Variants in POTEJ observed in about 807,000 individuals in gnomAD.
POTEJ encodes the protein POTE ankyrin domain family, member J.
A neutral mutation model predicts 69.0 loss-of-function variants in POTEJ; 11 were observed. The observed-to-expected ratio is 0.16, with a 90% CI of 0.10 to 0.26. POTEJ has a LOEUF of 0.26. POTEJ is among the 10% of genes least tolerant of loss of function. The probability of loss-of-function intolerance (pLI) is 1.00; values close to 1 mark genes in which losing one functional copy is unlikely to be tolerated. For synonymous variants in POTEJ, 117 were observed against 381.1 expected (o/e 0.31, Z 8.07); for missense variants, 327 against 1,045.5 (o/e 0.31, Z 9.48).
chr2:130,642,673 A>G (rs561470255), intron 10 of POTEJ, among the ~76,000 whole-genome samples: 60 of 152,354 alleles, frequency 3.9e-4, no homozygotes, highest in African/African-American at 1.4e-3. Flanking sequence ...AAAATTACAC[A>G]TAAGGCTTTC....
chr2:130,637,632 A>T (rs1238617734), intron 9 of POTEJ, among the ~76,000 whole-genome samples: 1 of 152,282 alleles, frequency 6.6e-6, no homozygotes, highest in Admixed American at 6.5e-5. Flanking sequence ...CTGTGAGATG[A>T]CACCAGAGCC....
At chr2:130,648,787 T>TG (rs1686689752) in intron 13 of POTEJ, among the ~76,000 whole-genome samples, 2 of 93,130 alleles carry the variant, frequency 2.1e-5, no homozygotes, top group Admixed American at 9.9e-5. Context: ...CATAGTTTTT[T>TG]TTTTTTTTTT....
At chr2:130,630,871 T>G (rs1258137281) in intron 7 of POTEJ, among the ~76,000 whole-genome samples, 1 of 143,886 alleles carries the variant, frequency 6.9e-6, no homozygotes, top group African/African-American at 2.7e-5. Flanking sequence ...CAATTAAAAT[T>G]GGAGAATTTG....
chr2:130,634,922 T>C (rs1481269596), intron 9 of POTEJ, among the ~76,000 whole-genome samples: 9 of 152,224 alleles, frequency 5.9e-5, no homozygotes, highest in Non-Finnish European at 1.3e-4. Context: ...AATTTTTTTC[T>C]GTAAATTATG....
intron 10 of POTEJ, among the ~76,000 whole-genome samples, chr2:130,643,253 GC>G (rs1686458436): frequency 7.0e-6 from 1 of 143,226 alleles, no homozygotes. Context: ...TGAAAATAAG[GC>G]CAGGTGTGGT....
At chr2:130,612,692 G>A (rs1573965653) in intron 1 of POTEJ, among the ~76,000 whole-genome samples, 5 of 137,788 alleles carry the variant, frequency 3.6e-5, no homozygotes, top group Admixed American at 3.6e-4. Context: ...GAACTCGGGA[G>A]GCGGAGCTTG....
intron 11 of POTEJ, among the ~76,000 whole-genome samples, chr2:130,644,455 C>T (rs1411937973): frequency 1.2e-4 from 19 of 152,064 alleles, no homozygotes; most frequent in South Asian, 4.1e-4. Context: ...GGTGACAGAG[C>T]GAGACTCCAT....
chr2:130,640,580 T>C (rs1418862477), intron 10 of POTEJ, among the ~76,000 whole-genome samples: 1 of 151,902 alleles, frequency 6.6e-6, no homozygotes, highest in African/African-American at 2.4e-5. Context: ...CGTGGTTGGC[T>C]AATCCGCAGC....
intron 14 of POTEJ, among the ~76,000 whole-genome samples, chr2:130,655,567 T>C (rs1250897446): frequency 6.6e-5 from 10 of 152,224 alleles, no homozygotes; most frequent in African/African-American, 2.4e-4. Context: ...CATTTAGTAA[T>C]AATTTATTGA....
rs1478684599 is a variant in POTEJ at position 130,631,905 on chromosome 2, T to G, written c.1131+452T>G. Among the ~76,000 whole-genome samples the G allele has an allele frequency of 4.3e-4, 62 of 143,500 alleles. 5 individuals are homozygous for G. Among genetic ancestry groups the G allele is most frequent in the South Asian group, 8.4e-4 (4 of 4,738 alleles). 94.1% of individuals were successfully genotyped at this position (143,500 alleles called of 152,430 possible). On this transcript the variant is annotated intron_variant, in intron 8 of 14. Transcript: ENST00000409602. The stretch of plus-strand genomic sequence containing the variant: ...GCAGTTTCACTCTGCTTCTTGTGTT[T>G]TGGCAAACTTTGGCTCCCATTTTCA...
intron 9 of POTEJ, among the ~76,000 whole-genome samples, chr2:130,637,045 C>T (rs1234150355): frequency 6.8e-5 from 10 of 147,142 alleles, no homozygotes; most frequent in African/African-American, 2.2e-4. Context: ...TTGCACTGCA[C>T]TCCAGCCTGG....
At chr2:130,656,053 C>A (rs567003902) in intron 14 of POTEJ, among the ~76,000 whole-genome samples, 14 of 144,778 alleles carry the variant, frequency 9.7e-5, no homozygotes, top group African/African-American at 3.6e-4. Flanking sequence ...AAATGTTCTT[C>A]AGTAAAAGAA....
chr2:130,644,653 A>G (rs1246972695), intron 11 of POTEJ, among the ~76,000 whole-genome samples: 425 of 148,110 alleles, frequency 2.9e-3, no homozygotes, highest in Non-Finnish European at 3.5e-3. Context: ...TGATTAGCTT[A>G]TAGCTAATCT....
At chr2:130,650,022 T>C (rs1235587439) in intron 13 of POTEJ, among the ~76,000 whole-genome samples, 1 of 152,244 alleles carries the variant, frequency 6.6e-6, no homozygotes, top group East Asian at 1.9e-4. Context: ...AAAAGAGAGA[T>C]AATGAGGACT....
chr2:130,638,024 G>T (rs1686174455), intron 9 of POTEJ, among the ~76,000 whole-genome samples: 1 of 147,796 alleles, frequency 6.8e-6, no homozygotes. Context: ...TAAAGAGTAG[G>T]ACAGCTAAGA....
At chr2:130,630,690 G>A (rs1685864588) in intron 7 of POTEJ, among the ~76,000 whole-genome samples, 2 of 143,592 alleles carry the variant, frequency 1.4e-5, no homozygotes, top group African/African-American at 5.5e-5. Context: ...GGAACCTTTG[G>A]TGTTAGTGCA....
chr2:130,624,696 C>G (rs1273753556), intron 6 of POTEJ, among the ~76,000 whole-genome samples: 1 of 151,740 alleles, frequency 6.6e-6, no homozygotes, highest in Non-Finnish European at 1.5e-5. Flanking sequence ...CCCTGCTCTG[C>G]GTGGTCCTAC....
At chr2:130,647,467 A>G (rs1434916752) in intron 13 of POTEJ, among the ~76,000 whole-genome samples, 1 of 152,066 alleles carries the variant, frequency 6.6e-6, no homozygotes, top group Non-Finnish European at 1.5e-5. Flanking sequence ...ACATCAAAGA[A>G]TCTTTGATCT....
intron 1 of POTEJ, among the ~76,000 whole-genome samples, chr2:130,615,641 T>C (rs1021119750): frequency 9.9e-5 from 14 of 141,412 alleles, no homozygotes; most frequent in Admixed American, 2.1e-4. Flanking sequence ...AAGCAGGAAA[T>C]AGAACGAACG....
Sources: allele counts gnomAD v4.1 joint callset (sites outside exome capture counted in the v4.1 genomes callset), GRCh38; gene constraint gnomAD v4.1.1; transcripts MANE v1.5; gene names NCBI Gene and HGNC (gene_info 2026-07-23, HGNC 2026-07-21).